The following KALRN variants were observed in gnomAD, a reference collection of about 807,000 sequenced individuals.
The protein encoded by KALRN is kalirin.
In KALRN, 70 loss-of-function variants were observed where a neutral mutation model predicts 353.7. The observed-to-expected ratio is 0.20, with a 90% CI of 0.16 to 0.24. The LOEUF (loss-of-function observed/expected upper bound fraction) is 0.24, where lower values mean the gene tolerates loss of function less well. KALRN is among the 10% of genes least tolerant of loss of function. KALRN has a pLI of 1.00. For synonymous variants in KALRN, 1,391 were observed against 1,434.8 expected (o/e 0.97, Z 0.69); for missense variants, 2,791 against 3,756.7 (o/e 0.74, Z 6.72).
chr3:124,067,806 C>A, intron 1 of KALRN, among the ~76,000 whole-genome samples: 1 of 152,218 alleles, frequency 6.6e-6, no homozygotes, highest in East Asian at 1.9e-4. Context: ...GAGCCACTCA[C>A]CAGTTATCCT....
At chr3:124,270,856 G>A (rs2074092074) in intron 5 of KALRN, among the ~76,000 whole-genome samples, 1 of 140,910 alleles carries the variant, frequency 7.1e-6, no homozygotes, top group Non-Finnish European at 1.5e-5. Context: ...TTGAGACGGA[G>A]TCTCGCTCTG....
At position 124,652,593 on chromosome 3, in the gene KALRN, T is replaced by C. The variant is rs1402506160; in HGVS notation, c.5795+1655T>C. Among the ~76,000 whole-genome samples the C allele has an allele frequency of 3.3e-5, 5 of 152,142 alleles. No individual in the cohort carries two copies. The East Asian group carries it at 9.7e-4, about 29-fold the overall frequency. Reference sequence around the variant, plus strand: ...AAAAGCCAGTCACTACTCTTTTTTTTTGAGATGGAGTCTCTCTCTTTTGCC... The same window carrying C: ...AAAAGCCAGTCACTACTCTTTTTTTCTGAGATGGAGTCTCTCTCTTTTGCC... On this transcript the variant is annotated intron_variant, in intron 38 of 59. Coordinates refer to ENST00000682506, the MANE Select transcript of KALRN (RefSeq NM_001388419.1).
chr3:124,500,982 G>A (rs202141901), intron 33 of KALRN, among the ~76,000 whole-genome samples: 1 of 2,378 alleles, frequency 4.2e-4, no homozygotes, highest in African/African-American at 5.9e-4. Flanking sequence ...GATATCTGCT[G>A]AATCCAGCTA....
At chr3:124,411,772 T>G (rs2092181412) in intron 13 of KALRN, among the ~76,000 whole-genome samples, 1 of 152,172 alleles carries the variant, frequency 6.6e-6, no homozygotes, top group African/African-American at 2.4e-5. Context: ...ATAATCTATT[T>G]TAGCCTCATC....
chr3:124,582,768 T>G (rs1000476516), intron 34 of KALRN, among the ~76,000 whole-genome samples: 42 of 135,740 alleles, frequency 3.1e-4, no homozygotes, highest in Admixed American at 5.3e-4. Context: ...ACATTTTTTT[T>G]GGGGGGGTTG....
chr3:124,090,241 G>T (rs1383422238), intron 1 of KALRN, among the ~76,000 whole-genome samples: 1 of 152,086 alleles, frequency 6.6e-6, no homozygotes, highest in Non-Finnish European at 1.5e-5. Context: ...TTAACAAGGT[G>T]GTTTAGAGCC....
rs781745800 is a variant in KALRN, at chr3:124,694,491, C to T, written c.7565C>T (p.Thr2522Met). The change falls in exon 53 of 60, where the codon ACG becomes ATG. Residue 2522 changes from threonine to methionine, a missense_variant. This residue lies in a region of KALRN where 1,065 missense variants were observed against 1,156.4 expected (regional missense o/e 0.92). Transcript: ENST00000682506. ...LDTDNSSATYTVSSCDSGEIT... is the reference protein window; with the variant it reads ...LDTDNSSATYMVSSCDSGEIT... ...ACTGATAACAGCTCAGCCACATACA[C>T]GGTCTCCTCTTGGTAAGCCGATTGC... 2.4e-5 allele frequency: 38 copies of T among 1,613,682 alleles called. No individual in the cohort carries two copies. Among genetic ancestry groups the T allele is most frequent in the South Asian group, 1.5e-4 (14 of 91,066 alleles).
intron 43 of KALRN, 81 bp from the exon 44 acceptor site, chr3:124,660,842 A>G: frequency 1.0e-6 from 1 of 982,714 alleles, no homozygotes; most frequent in Non-Finnish European, 1.6e-6. Flanking sequence ...GTGTTATTGT[A>G]TTTTTATGAT....
intron 9 of KALRN, among the ~76,000 whole-genome samples, chr3:124,340,173 G>C (rs1227419245): frequency 2.6e-5 from 4 of 152,202 alleles, no homozygotes; most frequent in Non-Finnish European, 5.9e-5. Flanking sequence ...TATGGCGATA[G>C]CTGGTGATGA....
chr3:124,349,008 C>T (rs547209466), intron 10 of KALRN, among the ~76,000 whole-genome samples: 62 of 152,262 alleles, frequency 4.1e-4, no homozygotes, highest in Admixed American at 1.3e-4. Flanking sequence ...TGTGAGCCAC[C>T]GTGCCCAGCT....
chr3:124,220,069 C>T (rs975192357), intron 1 of KALRN, among the ~76,000 whole-genome samples: 13 of 152,054 alleles, frequency 8.5e-5, no homozygotes, highest in East Asian at 1.9e-4. Context: ...CTCAGCCTCC[C>T]GAGTAGTGAG....
chr3:124,637,577 G>A (rs113758874), intron 37 of KALRN, among the ~76,000 whole-genome samples: 26 of 152,130 alleles, frequency 1.7e-4, no homozygotes, highest in African/African-American at 5.3e-4. Flanking sequence ...CTGATCCAGC[G>A]GCCCACAGGC....
At chr3:124,243,396 C>T (rs1306050523) in intron 3 of KALRN, among the ~76,000 whole-genome samples, 2 of 152,130 alleles carry the variant, frequency 1.3e-5, no homozygotes, top group East Asian at 3.9e-4. Context: ...ATAACTGGAG[C>T]AATCAGAGGC....
intron 30 of KALRN, 122 bp from the exon 31 acceptor site, chr3:124,491,201 T>C: frequency 1.6e-6 from 1 of 620,398 alleles, no homozygotes; most frequent in South Asian, 2.3e-5. Context: ...TGTTAAAGTT[T>C]GATTGACAGA....
chr3:124,689,881 A>C (rs1238277924), intron 51 of KALRN, among the ~76,000 whole-genome samples: 2 of 152,270 alleles, frequency 1.3e-5, no homozygotes. Flanking sequence ...GGGCAAATAC[A>C]GTTCAGTAAG....
intron 33 of KALRN, among the ~76,000 whole-genome samples, chr3:124,517,641 A>G (rs537829152): frequency 1.3e-5 from 2 of 152,226 alleles, no homozygotes; most frequent in Admixed American, 6.5e-5. Context: ...CATGCTGGAT[A>G]TGGAAGCTGG....
chr3:124,541,537 A>C (rs376331008), intron 33 of KALRN, among the ~76,000 whole-genome samples: 1 of 152,102 alleles, frequency 6.6e-6, no homozygotes, highest in East Asian at 1.9e-4. Flanking sequence ...ATTTTACATC[A>C]GTCCTACCGA....
At position 124,033,618 on chromosome 3, in the gene KALRN, C is replaced by G. The variant is rs890720349; in HGVS notation, c.-123C>G. Among the ~76,000 whole-genome samples, 1 of 151,574 alleles carries G rather than the reference C, an allele frequency of 6.6e-6. No homozygotes were observed. The highest frequency in any genetic ancestry group is 1.5e-5 in the Non-Finnish European group (1 of 67,848). ...CGCCCAACGCCCGCCCTCGAAGCTC[C>G]GCGGCCGCCAGCTCTGCGGCCGCAG... is the stretch of plus-strand genomic sequence containing the variant. On this transcript the variant is annotated 5_prime_UTR_variant, in exon 1 of 60. Coordinates refer to ENST00000682506, the MANE Select transcript of KALRN (RefSeq NM_001388419.1). The surrounding 1 kb of genome is among the most constrained non-coding windows in gnomAD (Gnocchi z 6.2).
intron 11 of KALRN, among the ~76,000 whole-genome samples, chr3:124,390,348 C>T (rs1168261145): frequency 6.6e-6 from 1 of 152,178 alleles, no homozygotes; most frequent in African/African-American, 2.4e-5. Context: ...CTTTATTAGA[C>T]AGCTTAATTA....
Sources: allele counts gnomAD v4.1 joint callset (sites outside exome capture counted in the v4.1 genomes callset), GRCh38; gene constraint gnomAD v4.1.1; regional missense constraint gnomAD v4.1.1; non-coding constraint Gnocchi (gnomAD v3.1); transcripts MANE v1.5; gene names NCBI Gene and HGNC (gene_info 2026-07-23, HGNC 2026-07-21).